Variants in ZMIZ2 observed in about 807,000 individuals in gnomAD.
The protein encoded by ZMIZ2 is zinc finger MIZ domain-containing protein 2.
A neutral mutation model predicts 93.9 loss-of-function variants in ZMIZ2; 26 were observed. The ratio of observed to expected loss-of-function variants is 0.28; its 90% confidence interval spans 0.20 to 0.38. ZMIZ2 has a LOEUF of 0.38. Among genes scored for constraint, ZMIZ2 ranks in the 10% least tolerant of loss-of-function variants. The pLI, the probability that ZMIZ2 is intolerant of heterozygous loss-of-function variation, is 1.00. For synonymous variants in ZMIZ2, 485 were observed against 516.4 expected, an observed-to-expected ratio of 0.94 and a Z score of 0.82; for missense variants, 1,023 against 1,235.0, an observed-to-expected ratio of 0.83 and a Z score of 2.57.
rs1791591950 is a variant in ZMIZ2 at position 44,765,315 on chromosome 7, C to G, written c.1998-20C>G. 6.2e-7 allele frequency: 1 copy of G among 1,610,090 alleles called. No individual in the cohort carries two copies. Among genetic ancestry groups the G allele is most frequent in the Non-Finnish European group, 8.5e-7 (1 of 1,178,112 alleles). ...AGCAGCAGGCCAGGAGGTAACCATT[C>G]CCCACCTGTCCCTGCCCAGCTCTGA... On this transcript the variant is annotated intron_variant, in intron 15 of 18. Coordinates refer to ENST00000309315, the MANE Select transcript of ZMIZ2 (RefSeq NM_031449.4). This position sits in a 1 kb window ranked among gnomAD's most constrained non-coding sequence, Gnocchi z 4.1.
At chr7:44,757,669 C>A in intron 5 of ZMIZ2, 108 bp downstream of exon 5, 1 of 1,457,052 alleles carries the variant, frequency 6.9e-7, no homozygotes, top group Admixed American at 2.6e-5. Flanking sequence ...TATGCCAGGG[C>A]TCATGAAGCC....
In ZMIZ2 at chr7:44,767,596, C is replaced by A. The variant is rs1791853054; in HGVS notation, c.2736C>A (p.Asp912Glu). 6.2e-7 allele frequency: 1 copy of A among 1,614,168 alleles called. No homozygotes were observed. The highest frequency in any genetic ancestry group is 1.1e-5 in the South Asian group (1 of 91,088). The change falls in exon 19 of 19, where the codon GAC becomes GAA. Residue 912 changes from aspartate to glutamate, a missense_variant. Asp to Glu is a conservative substitution (Grantham distance 45). This residue lies in a region of ZMIZ2 where 319 missense variants were observed against 358.8 expected (regional missense o/e 0.89). Transcript: ENST00000309315. Reference protein sequence around the residue: ...PPDLPTNNNDDLLSLFENN With the variant: ...PPDLPTNNNDELLSLFENN ...ACCTCCCTACGAACAACAATGACGA[C>A]CTGCTTTCTCTGTTTGAGAACAACT...
At chr7:44,759,980 T>G in intron 7 of ZMIZ2, 171 bp from the exon 8 acceptor site, 2 of 717,992 alleles carry the variant, frequency 2.8e-6, no homozygotes, top group Non-Finnish European at 4.6e-6. Context: ...ACCTGTTTGA[T>G]CATTTTCCTC....
rs1393621330 is a variant in ZMIZ2 at position 44,758,101 on chromosome 7, A to C, written c.806A>C (p.Tyr269Ser). The change falls in exon 6 of 19, where the codon TAC (tyrosine) becomes TCC (serine). Residue 269 changes from tyrosine (Y) to serine (S), a missense_variant. Transcript: ENST00000309315. ...PLPRQGVKRTYSEVYPGQQYL... is the reference protein window; with the variant it reads ...PLPRQGVKRTSSEVYPGQQYL... The stretch of plus-strand genomic sequence containing the variant: ...CCCCGACAGGGGGTCAAGAGAACCT[A>C]CTCTGAGGTGAGTGTCCAGGTCACC... 6.4e-7 allele frequency: 1 copy of C among 1,557,438 alleles called. No homozygotes were observed. Among genetic ancestry groups the C allele is most frequent in the Admixed American group, 2.0e-5 (1 of 50,792 alleles).
rs1363664391 is a variant in ZMIZ2, at chr7:44,769,692, G to GA, written c.*2070dup. The GA allele has an allele frequency of 1.3e-5, 2 of 152,510 alleles. No individual in the cohort carries two copies. The highest frequency in any genetic ancestry group is 2.9e-5 in the Non-Finnish European group (2 of 68,084). The allele number at this position is 152,510 out of a possible 1,614,324, so 9.4% of individuals were successfully genotyped here. A position where few individuals can be genotyped will look rare whatever the true frequency, so the allele number is the denominator to read the frequency against. On this transcript the variant is annotated 3_prime_UTR_variant, in exon 19 of 19. Transcript: ENST00000309315. ...CTCCCGGATGGAGTGGAGAAACTAGGAGACTGGGACAAGCAAAAGGCTGCA... is the reference window on the plus strand; with the variant it reads ...CTCCCGGATGGAGTGGAGAAACTAGGAAGACTGGGACAAGCAAAAGGCTGCA...
Position 44,765,691 on chromosome 7 carries a change from G to T in ZMIZ2, c.2242+112G>T. On this transcript the variant is annotated intron_variant, in intron 16 of 18. Coordinates refer to ENST00000309315, the MANE Select transcript of ZMIZ2 (RefSeq NM_031449.4). The surrounding 1 kb of genome is among the most constrained non-coding windows in gnomAD (Gnocchi z 4.1). The stretch of plus-strand genomic sequence containing the variant: ...GTGGCTATGCAGGTCACACACCTAG[G>T]TTATCAGTGTTGCCACACAAAACAT... 6.9e-7 allele frequency: 1 copy of T among 1,441,438 alleles called. No individual in the cohort carries two copies. Among genetic ancestry groups the T allele is most frequent in the Non-Finnish European group, 9.3e-7 (1 of 1,074,340 alleles). 89.3% of individuals were successfully genotyped at this position (1,441,438 alleles called of 1,614,324 possible).
intron 7 of ZMIZ2, 72 bp from the exon 8 acceptor site, chr7:44,760,079 T>A: frequency 6.5e-7 from 1 of 1,544,986 alleles, no homozygotes; most frequent in Non-Finnish European, 8.9e-7. Flanking sequence ...GGTGGGCTTC[T>A]AGGGTCAGGT....
intron 1 of ZMIZ2, among the ~76,000 whole-genome samples, chr7:44,752,581 T>A (rs1429633137): frequency 6.6e-6 from 1 of 152,220 alleles, no homozygotes; most frequent in African/African-American, 2.4e-5. Context: ...AATTTTGGTG[T>A]GTCAAGAATG....
In ZMIZ2 at chr7:44,765,285, G is replaced by A. The variant is rs199763511; in HGVS notation, c.1998-50G>A. On this transcript the variant is annotated intron_variant, in intron 15 of 18. Transcript: ENST00000309315. This position sits in a 1 kb window ranked among gnomAD's most constrained non-coding sequence, Gnocchi z 4.1. ...AGGGCTGGGAGGGGCAGTGGGTGCC[G>A]GGCCAGCAGCAGGCCAGGAGGTAAC... is the stretch of plus-strand genomic sequence containing the variant. 5.2e-5 allele frequency: 84 copies of A among 1,600,444 alleles called. No homozygotes were observed. Among genetic ancestry groups the A allele is most frequent in the African/African-American group, 2.5e-4 (19 of 74,822 alleles).
Position 44,765,094 on chromosome 7 carries a change from T to C in ZMIZ2, c.1997+85T>C. The C allele has an allele frequency of 6.4e-7, 1 of 1,568,002 alleles. No homozygotes were observed. Among genetic ancestry groups the C allele is most frequent in the South Asian group, 1.1e-5 (1 of 88,790 alleles). On this transcript the variant is annotated intron_variant, in intron 15 of 18. Coordinates refer to ENST00000309315, the MANE Select transcript of ZMIZ2 (RefSeq NM_031449.4). The surrounding 1 kb of genome is among the most constrained non-coding windows in gnomAD (Gnocchi z 4.1). ...ATGTCGGGGGATGTCCCTTGCCAAGTGCAGCCTTCCAGCCTTTTTCCGGCA... is the reference window on the plus strand; with the variant it reads ...ATGTCGGGGGATGTCCCTTGCCAAGCGCAGCCTTCCAGCCTTTTTCCGGCA...
chr7:44,760,350 TG>T, intron 8 of ZMIZ2, 74 bp from the exon 9 acceptor site: 1 of 1,581,846 alleles, frequency 6.3e-7, no homozygotes, highest in Non-Finnish European at 8.6e-7. Context: ...TGGTTCCCAG[TG>T]GGTGCGCCGT....
In ZMIZ2 at chr7:44,768,576, G is replaced by A. The variant is rs1422141271; in HGVS notation, c.*953G>A. 6.6e-6 allele frequency: 1 copy of A among 152,348 alleles called. No individual in the cohort carries two copies. Among genetic ancestry groups the A allele is most frequent in the Non-Finnish European group, 1.5e-5 (1 of 68,132 alleles). 9.4% of individuals were successfully genotyped at this position (152,348 alleles called of 1,614,324 possible). On this transcript the variant is annotated 3_prime_UTR_variant, in exon 19 of 19. Transcript: ENST00000309315. Reference sequence around the variant, plus strand: ...ACCCCATGGGCCCACACCCAGGTGGGGGAGGAGGAAGCCACTGCATCTGTT... The same window carrying A: ...ACCCCATGGGCCCACACCCAGGTGGAGGAGGAGGAAGCCACTGCATCTGTT...
intron 1 of ZMIZ2, among the ~76,000 whole-genome samples, chr7:44,750,495 C>T (rs1481117286): frequency 6.6e-6 from 1 of 152,144 alleles, no homozygotes; most frequent in East Asian, 1.9e-4. Context: ...GGATCCTGAC[C>T]CTGCAATCTT....
intron 13 of ZMIZ2, among the ~76,000 whole-genome samples, chr7:44,764,071 G>A (rs1174886922): frequency 1.3e-5 from 2 of 152,130 alleles, no homozygotes; most frequent in Non-Finnish European, 2.9e-5. Context: ...CTGGGAGGCG[G>A]AGGTTGCAAT....
chr7:44,756,067 A>G, intron 1 of ZMIZ2, 121 bp from the exon 2 acceptor site: 1 of 755,628 alleles, frequency 1.3e-6, no homozygotes, highest in South Asian at 1.7e-5. Flanking sequence ...GCCTGCCATC[A>G]GAGCCCAGGG....
At chr7:44,750,919 A>T (rs1790086172) in intron 1 of ZMIZ2, 1 of 152,208 alleles carries the variant, frequency 6.6e-6, no homozygotes, top group Admixed American at 6.5e-5. Flanking sequence ...CAAAGCCAGG[A>T]GATGAGAAGA....
Position 44,766,722 on chromosome 7 carries a change from C to G in ZMIZ2, c.2655+59C>G. 2 of 1,595,436 alleles carry G rather than the reference C, an allele frequency of 1.3e-6. No individual in the cohort carries two copies. The highest frequency in any genetic ancestry group is 1.7e-6 in the Non-Finnish European group (2 of 1,168,482). On this transcript the variant is annotated intron_variant, in intron 18 of 18. Coordinates refer to ENST00000309315, the MANE Select transcript of ZMIZ2 (RefSeq NM_031449.4). The surrounding 1 kb of genome is among the most constrained non-coding windows in gnomAD (Gnocchi z 4.4). Reference sequence around the variant, plus strand: ...GGAGCCAGGGCTAGAGGTGGTGTGTCTGTTCCAGGTGCGTTCTGGAAGGGA... The same window carrying G: ...GGAGCCAGGGCTAGAGGTGGTGTGTGTGTTCCAGGTGCGTTCTGGAAGGGA...
At chr7:44,754,014 C>A (rs564825815) in intron 1 of ZMIZ2, among the ~76,000 whole-genome samples, 1 of 152,340 alleles carries the variant, frequency 6.6e-6, no homozygotes, top group African/African-American at 2.4e-5. Flanking sequence ...ATTCTCTGGT[C>A]TCGCCTGTTG....
intron 1 of ZMIZ2, among the ~76,000 whole-genome samples, chr7:44,749,378 T>G (rs1789933723): frequency 6.6e-6 from 1 of 152,114 alleles, no homozygotes. Context: ...GTTCCTAGCT[T>G]TGGGGCCAGG....
Sources: gnomAD v4.1 joint callset for allele counts (sites outside exome capture counted in the v4.1 genomes callset) on GRCh38, gnomAD v4.1.1 for gene constraint, gnomAD v4.1.1 regional missense constraint, Gnocchi (gnomAD v3.1) non-coding constraint, MANE v1.5 for transcripts, NCBI Gene and HGNC (gene_info 2026-07-23, HGNC 2026-07-21) for gene names.